ZDHHC14: variants seen among roughly 807,000 people sequenced by gnomAD.
The protein encoded by ZDHHC14 is zDHHC palmitoyltransferase 14, also known as palmitoyltransferase ZDHHC14.
ZDHHC14 carries 16 observed loss-of-function variants against 47.7 expected under a neutral mutation model. The ratio of observed to expected loss-of-function variants is 0.34; its 90% CI spans 0.23 to 0.51. The LOEUF (loss-of-function observed/expected upper bound fraction) is 0.51, where lower values mean the gene tolerates loss of function less well. ZDHHC14 is among the 20% of genes least tolerant of loss of function. The pLI is 0.97. For synonymous variants in ZDHHC14, 293 were observed against 278.9 expected, an observed-to-expected ratio of 1.05 and a Z score of -0.50; for missense variants, 515 against 662.5, an observed-to-expected ratio of 0.78 and a Z score of 2.44.
intron 1 of ZDHHC14, among the ~76,000 whole-genome samples, chr6:157,482,411 C>T (rs968209517): frequency 6.6e-6 from 1 of 151,204 alleles, no homozygotes; most frequent in Non-Finnish European, 1.5e-5. Flanking sequence ...GTGCCATCAT[C>T]CTTGGCTAAT....
Position 157,472,167 on chromosome 6 carries a change from C to T in ZDHHC14, c.246-70418C>T, listed in dbSNP as rs974542367. 6.6e-5 allele frequency among the ~76,000 whole-genome samples: 10 copies of T among 152,218 alleles called. No individual in the cohort carries two copies. In the South Asian group the frequency reaches 1.7e-3, roughly 25 times the overall value. ...GATGTCCTGCAGCCTCAGCAGTCTC[C>T]GTGGGCCTCTCAGTCGTGGTGGCTA... On this transcript the variant is annotated intron_variant, in intron 1 of 8. Transcript: ENST00000359775.
At chr6:157,517,984 G>C (rs764860278) in intron 1 of ZDHHC14, among the ~76,000 whole-genome samples, 1 of 152,176 alleles carries the variant, frequency 6.6e-6, no homozygotes, top group Non-Finnish European at 1.5e-5. Flanking sequence ...GTCATCCTAG[G>C]ATGCACGTCC....
chr6:157,449,955 C>T (rs1778766303), intron 1 of ZDHHC14, among the ~76,000 whole-genome samples: 1 of 152,142 alleles, frequency 6.6e-6, no homozygotes, highest in African/African-American at 2.4e-5. Context: ...GTCGTATTCT[C>T]CCCTTTAAAC....
chr6:157,491,220 G>A (rs1292568739), intron 1 of ZDHHC14, among the ~76,000 whole-genome samples: 1 of 152,224 alleles, frequency 6.6e-6, no homozygotes, highest in African/African-American at 2.4e-5. Context: ...TATTCGAAGG[G>A]GAGAGGTATG....
At chr6:157,458,870 T>TTTTTTTTTTTTTTTTTTTTTTTTTTTC (rs1778996170) in intron 1 of ZDHHC14, among the ~76,000 whole-genome samples, 1 of 135,060 alleles carries the variant, frequency 7.4e-6, no homozygotes, top group Non-Finnish European at 1.7e-5. Flanking sequence ...TTTTTTTTTT[T>TTTTTTTTTTTTTTTTTTTTTTTTTTTC]TGAGACGGAG....
chr6:157,594,886 T>A (rs1462640004), intron 3 of ZDHHC14, among the ~76,000 whole-genome samples: 2 of 152,126 alleles, frequency 1.3e-5, no homozygotes, highest in Non-Finnish European at 2.9e-5. Flanking sequence ...CCTGTAGGAG[T>A]TCTCAACACC....
At chr6:157,608,191 G>A (rs1003681189) in intron 3 of ZDHHC14, among the ~76,000 whole-genome samples, 2 of 152,192 alleles carry the variant, frequency 1.3e-5, no homozygotes, top group African/African-American at 2.4e-5. Flanking sequence ...ATGTGCTCAG[G>A]GGGCGTCCTC....
At chr6:157,605,819 G>A (rs1168807844) in intron 3 of ZDHHC14, among the ~76,000 whole-genome samples, 1 of 152,140 alleles carries the variant, frequency 6.6e-6, no homozygotes, top group East Asian at 1.9e-4. Context: ...GGGGGGTAGG[G>A]GGCACGCAGG....
At position 157,673,188 on chromosome 6, in the gene ZDHHC14, G is replaced by T. The variant is rs374170465; in HGVS notation, c.*66G>T. The T allele has an allele frequency of 1.4e-6, 2 of 1,477,068 alleles. No individual in the cohort carries two copies. The highest frequency in any genetic ancestry group is 1.8e-6 in the Non-Finnish European group (2 of 1,122,976). The allele number at this position is 1,477,068 out of a possible 1,614,324, so 91.5% of individuals were successfully genotyped here. On this transcript the variant is annotated 3_prime_UTR_variant, in exon 9 of 9. Coordinates refer to ENST00000359775, the MANE Select transcript of ZDHHC14 (RefSeq NM_024630.3). The surrounding 1 kb of genome is among the most constrained non-coding windows in gnomAD (Gnocchi z 5.4). ...ATGGGCAGCAGGAGTGAGCGGAGGGGTGTGTCCCACAGCGACTTTCCCAGC... is the reference window on the plus strand; with the variant it reads ...ATGGGCAGCAGGAGTGAGCGGAGGGTTGTGTCCCACAGCGACTTTCCCAGC...
At chr6:157,407,616 T>G (rs556274353) in intron 1 of ZDHHC14, among the ~76,000 whole-genome samples, 2 of 152,294 alleles carry the variant, frequency 1.3e-5, no homozygotes, top group South Asian at 4.1e-4. Context: ...AGCTGTAAAG[T>G]AAAAGAGAAT....
chr6:157,433,316 A>G (rs1181411307), intron 1 of ZDHHC14, among the ~76,000 whole-genome samples: 3 of 152,254 alleles, frequency 2.0e-5, no homozygotes, highest in African/African-American at 7.2e-5. Context: ...ATCATTATGT[A>G]TCTTTTCTGA....
chr6:157,413,014 C>T (rs921080427), intron 1 of ZDHHC14, among the ~76,000 whole-genome samples: 16 of 152,096 alleles, frequency 1.1e-4, no homozygotes, highest in African/African-American at 3.6e-4. Context: ...GAGGTCGGCT[C>T]ACAGTACTGA....
intron 1 of ZDHHC14, among the ~76,000 whole-genome samples, chr6:157,494,341 C>G (rs1210684474): frequency 1.3e-5 from 2 of 152,234 alleles, no homozygotes; most frequent in Non-Finnish European, 2.9e-5. Context: ...CCCCTGCACC[C>G]TCTGACACTC....
At chr6:157,461,551 C>T (rs1481174673) in intron 1 of ZDHHC14, among the ~76,000 whole-genome samples, 2 of 152,160 alleles carry the variant, frequency 1.3e-5, no homozygotes, top group African/African-American at 2.4e-5. Flanking sequence ...TAGTGAAATG[C>T]AGCCTCCCTA....
chr6:157,439,585 G>T (rs573310663), intron 1 of ZDHHC14, among the ~76,000 whole-genome samples: 4 of 152,264 alleles, frequency 2.6e-5, no homozygotes, highest in African/African-American at 9.6e-5. Flanking sequence ...TTCCAACATT[G>T]TGGAAGACAG....
chr6:157,668,957 G>T (rs1029166645), intron 8 of ZDHHC14, among the ~76,000 whole-genome samples: 4 of 152,184 alleles, frequency 2.6e-5, no homozygotes, highest in Admixed American at 1.3e-4. Flanking sequence ...TGCCATGGGA[G>T]ACCTCCTTTA....
intron 2 of ZDHHC14, among the ~76,000 whole-genome samples, chr6:157,578,995 A>G (rs1349910171): frequency 1.3e-5 from 2 of 152,154 alleles, no homozygotes; most frequent in African/African-American, 4.8e-5. Flanking sequence ...GTTTGAAGTC[A>G]GGTAATGTGA....
intron 2 of ZDHHC14, among the ~76,000 whole-genome samples, chr6:157,545,269 A>G (rs34272880): frequency 0.42 from 63,592 of 151,966 alleles, 13,379 homozygotes; most frequent in Admixed American, 0.46. Flanking sequence ...TCTAAAATTA[A>G]GTCGTGGTGA....
At chr6:157,475,597 A>C (rs915390693) in intron 1 of ZDHHC14, among the ~76,000 whole-genome samples, 2 of 152,088 alleles carry the variant, frequency 1.3e-5, no homozygotes, top group Non-Finnish European at 2.9e-5. Flanking sequence ...ATTTATTCCT[A>C]AGTATTTTAG....
Sources: allele counts gnomAD v4.1 joint callset (sites outside exome capture counted in the v4.1 genomes callset), GRCh38; gene constraint gnomAD v4.1.1; non-coding constraint Gnocchi (gnomAD v3.1); transcripts MANE v1.5; gene names NCBI Gene and HGNC (gene_info 2026-07-23, HGNC 2026-07-21).